The following PACS2 variants were observed in gnomAD, a reference collection of about 807,000 sequenced individuals.
PACS2 encodes the protein phosphofurin acidic cluster sorting protein 2.
Under a neutral mutation model 113.0 loss-of-function variants are expected in PACS2, and 36 were observed. The ratio of observed to expected loss-of-function variants is 0.32; its 90% CI spans 0.24 to 0.42. PACS2 has a LOEUF of 0.42. PACS2 is among the 10% of genes least tolerant of loss of function. PACS2 has a pLI of 1.00. For missense variants in PACS2, 1,015 were observed against 1,239.5 expected (o/e 0.82, Z 2.72); for synonymous variants, 589 against 536.1 (o/e 1.10, Z -1.36).
upstream of PACS2, among the ~76,000 whole-genome samples, chr14:105,309,450 T>C (rs1361888780): frequency 6.6e-6 from 1 of 152,240 alleles, no homozygotes; most frequent in East Asian, 1.9e-4. The surrounding 1 kb of genome is among the most constrained non-coding windows in gnomAD (Gnocchi z 4.0). Flanking sequence ...AGTTTTGTCA[T>C]TTCCCCTGGA....
intron 1 of PACS2, among the ~76,000 whole-genome samples, chr14:105,328,474 A>G (rs894165304): frequency 1.6e-4 from 24 of 152,230 alleles, no homozygotes; most frequent in African/African-American, 5.8e-4. Flanking sequence ...CGCTGGGCCC[A>G]GCAGTGTGAA....
intron 19 of PACS2, among the ~76,000 whole-genome samples, chr14:105,387,792 G>A (rs1419584699): frequency 3.3e-5 from 5 of 152,224 alleles, no homozygotes; most frequent in African/African-American, 9.6e-5. Context: ...TCGGTGGGGG[G>A]GTCTGGCTCG....
intron 4 of PACS2, among the ~76,000 whole-genome samples, chr14:105,363,552 G>A (rs1555407158): frequency 6.6e-6 from 1 of 152,138 alleles, no homozygotes; most frequent in African/African-American, 2.4e-5. Context: ...GAGGTGAAGG[G>A]AGTCAGGGCC....
chr14:105,394,389 C>T, intron 24 of PACS2, 165 bp from the exon 25 acceptor site: 1 of 985,328 alleles, frequency 1.0e-6, no homozygotes, highest in Non-Finnish European at 1.2e-6. Context: ...CAGCATGGCC[C>T]TGGAGCCCCC....
At chr14:105,308,737 C>G (rs1279603575) in intron 1 of PACS2, among the ~76,000 whole-genome samples, 1 of 151,644 alleles carries the variant, frequency 6.6e-6, no homozygotes, top group Non-Finnish European at 1.5e-5. Flanking sequence ...TGCCTCAGCC[C>G]CCCAAAGTGC....
In PACS2 at chr14:105,356,181, C is replaced by G. The variant is rs2060438130; in HGVS notation, c.423+1004C>G. 6.6e-6 allele frequency among the ~76,000 whole-genome samples: 1 copy of G among 152,140 alleles called. No homozygotes were observed. The highest frequency in any genetic ancestry group is 2.1e-4 in the South Asian group (1 of 4,830). ...GGTTCCCCCACACCCCCAGGCCCAG[C>G]CTGCAGGCCTCCTGTCTCCCAGGTC... is the stretch of plus-strand genomic sequence containing the variant. On this transcript the variant is annotated intron_variant, in intron 4 of 24. Transcript: ENST00000447393. This position sits in a 1 kb window ranked among gnomAD's most constrained non-coding sequence, Gnocchi z 4.0.
Position 105,385,355 on chromosome 14 carries a change from C to T in PACS2, c.2001-330C>T, listed in dbSNP as rs587691142. Among the ~76,000 whole-genome samples, 195 of 152,352 alleles carry T rather than the reference C, an allele frequency of 1.3e-3. 1 individual carries two copies. Among genetic ancestry groups the T allele is most frequent in the African/African-American group, 4.4e-3 (182 of 41,570 alleles). ...CTCGGGCTGGGGAACGAAGGATTCCCTGGGCCTCGGGCCCTGTGGGTGAGT... is the reference window on the plus strand; with the variant it reads ...CTCGGGCTGGGGAACGAAGGATTCCTTGGGCCTCGGGCCCTGTGGGTGAGT... On this transcript the variant is annotated intron_variant, in intron 18 of 24. Transcript: ENST00000447393.
intron 22 of PACS2, chr14:105,392,315 G>A (rs927556453): frequency 2.8e-5 from 12 of 423,076 alleles, no homozygotes; most frequent in African/African-American, 1.8e-4. Context: ...TCCAGGCTGC[G>A]CCTGAGGGAG....
chr14:105,320,135 G>A (rs886160049), intron 1 of PACS2, among the ~76,000 whole-genome samples: 6 of 151,636 alleles, frequency 4.0e-5, no homozygotes, highest in Admixed American at 6.6e-5. Flanking sequence ...GCACCACCAC[G>A]CCCAGCGAAT....
At chr14:105,382,753 TG>T in intron 14 of PACS2, 53 bp from the exon 15 acceptor site, 3 of 1,177,464 alleles carry the variant, frequency 2.5e-6, no homozygotes, top group Non-Finnish European at 2.5e-6. Context: ...GGTCAGGTGC[TG>T]GGGGTGGCCT....
chr14:105,338,767 G>A (rs2059618517), intron 1 of PACS2, among the ~76,000 whole-genome samples: 1 of 152,226 alleles, frequency 6.6e-6, no homozygotes. Flanking sequence ...CATCTGCCAG[G>A]AAAGGACAGC....
At position 105,379,828 on chromosome 14, in the gene PACS2, C is replaced by G; in HGVS notation, c.1049C>G (p.Pro350Arg). The change falls in exon 10 of 25, where the codon CCG becomes CGG. Residue 350 changes from proline (P) to arginine (R), a missense_variant and splice_region_variant. By Grantham distance (103) the Pro-to-Arg change is moderately radical. Transcript: ENST00000447393. ...SARSHKEPPS[P>R]ADVPEKTRSL... is the part of the protein sequence containing the mutation. ...CGCAGCCACAAGGAGCCCCCAAGCC[C>G]GGTGAGTGGGGCCACACTGATCTCC... 2 of 1,612,952 alleles carry G rather than the reference C, an allele frequency of 1.2e-6. No homozygotes were observed. The highest frequency in any genetic ancestry group is 1.7e-6 in the Non-Finnish European group (2 of 1,179,532).
intron 1 of PACS2, among the ~76,000 whole-genome samples, chr14:105,338,082 C>T (rs928742887): frequency 2.0e-5 from 3 of 152,274 alleles, no homozygotes; most frequent in African/African-American, 2.4e-5. Flanking sequence ...GCTGGGTGGC[C>T]GAGGGGTCTG....
intron 1 of PACS2, among the ~76,000 whole-genome samples, chr14:105,308,481 CTTTTT>C (rs1227708197): frequency 8.0e-6 from 1 of 124,578 alleles, no homozygotes; most frequent in African/African-American, 3.2e-5. Flanking sequence ...CAGATTCTGT[CTTTTT>C]TTTTTTTTTT....
chr14:105,350,911 C>T (rs587632158), intron 2 of PACS2, among the ~76,000 whole-genome samples: 73 of 152,302 alleles, frequency 4.8e-4, no homozygotes, highest in African/African-American at 1.6e-3. Flanking sequence ...AGGAGAGCCG[C>T]GCTGCCTCTT....
intron 1 of PACS2, among the ~76,000 whole-genome samples, chr14:105,307,506 G>A (rs994230678): frequency 6.6e-6 from 1 of 152,090 alleles, no homozygotes; most frequent in Non-Finnish European, 1.5e-5. Flanking sequence ...CCTCCTCCTG[G>A]GAACTGTGAG....
intron 8 of PACS2, 25 bp downstream of exon 8, chr14:105,369,925 G>A (rs782603555): frequency 2.4e-5 from 38 of 1,587,700 alleles, no homozygotes; most frequent in Middle Eastern, 1.6e-4. Context: ...CCTTCTGCTC[G>A]CGGCCCCCAC....
At chr14:105,359,593 T>C (rs1289584854) in intron 4 of PACS2, among the ~76,000 whole-genome samples, 7 of 144,690 alleles carry the variant, frequency 4.8e-5, no homozygotes, top group South Asian at 4.4e-4. Flanking sequence ...CTTTCTTTTT[T>C]TTTTTTTTTT....
At chr14:105,346,146 CATT>C (rs376439164) in intron 1 of PACS2, among the ~76,000 whole-genome samples, 60 of 152,242 alleles carry the variant, frequency 3.9e-4, no homozygotes, top group African/African-American at 1.4e-3. Flanking sequence ...TTGTCACACT[CATT>C]GTTTAAGCTC....
Sources: allele counts gnomAD v4.1 joint callset (sites outside exome capture counted in the v4.1 genomes callset), GRCh38; gene constraint gnomAD v4.1.1; non-coding constraint Gnocchi (gnomAD v3.1); transcripts MANE v1.5; gene names NCBI Gene and HGNC (gene_info 2026-07-23, HGNC 2026-07-21).